The following NRXN3 variants were observed in gnomAD, a reference collection of about 807,000 sequenced individuals.
The protein encoded by NRXN3 is neurexin 3.
In NRXN3, 32 loss-of-function variants were observed where a neutral mutation model predicts 137.6. The ratio of observed to expected loss-of-function variants is 0.23; its 90% CI spans 0.18 to 0.31. NRXN3 has a LOEUF of 0.31. Ranked by LOEUF, NRXN3 falls within the 10% of genes least tolerant of loss-of-function variation. NRXN3 has a pLI of 1.00. For missense variants in NRXN3, 1,574 were observed against 2,062.5 expected, an observed-to-expected ratio of 0.76 and a Z score of 4.59; for synonymous variants, 798 against 784.5, an observed-to-expected ratio of 1.02 and a Z score of -0.29.
intron 15 of NRXN3, among the ~76,000 whole-genome samples, chr14:79,251,232 G>A (rs1044190303): frequency 1.3e-5 from 2 of 152,158 alleles, no homozygotes; most frequent in Non-Finnish European, 2.9e-5. Context: ...GGCCCTATTC[G>A]AGAACAGTGT....
chr14:79,835,728 G>A (rs2141337461), intron 20 of NRXN3, among the ~76,000 whole-genome samples: 1 of 152,290 alleles, frequency 6.6e-6, no homozygotes, highest in Non-Finnish European at 1.5e-5. Context: ...ACTGGAATAT[G>A]GCCATTGCCC....
At chr14:79,257,444 AGTG>A (rs1568818331) in intron 15 of NRXN3, among the ~76,000 whole-genome samples, 3 of 13,976 alleles carry the variant, frequency 2.1e-4, no homozygotes, top group South Asian at 4.6e-3. Flanking sequence ...TGGTGGTGGT[AGTG>A]ATGGTGGTGG....
rs1339130650 is a variant in NRXN3 at position 79,379,596 on chromosome 14, C to T, written c.3263-87625C>T. Among the ~76,000 whole-genome samples, 5 of 152,216 alleles carry T rather than the reference C, an allele frequency of 3.3e-5. No individual in the cohort carries two copies. The East Asian group carries it at 7.7e-4, about 24-fold the overall frequency. Reference sequence around the variant, plus strand: ...TCTGACAGCATTTTCAGAGCTGTGACGGCAGGACTGTAGCTTTATGGTGGG... The same window carrying T: ...TCTGACAGCATTTTCAGAGCTGTGATGGCAGGACTGTAGCTTTATGGTGGG... On this transcript the variant is annotated intron_variant, in intron 15 of 20. Coordinates refer to ENST00000335750, the MANE Select transcript of NRXN3 (RefSeq NM_001330195.2).
intron 14 of NRXN3, among the ~76,000 whole-genome samples, chr14:78,987,779 G>A (rs1014391064): frequency 1.3e-5 from 2 of 152,094 alleles, no homozygotes; most frequent in Admixed American, 6.6e-5. Context: ...GGAGAACAGT[G>A]TGTTCAGCCC....
At chr14:79,698,038 G>A (rs2098741582) in intron 19 of NRXN3, 101 bp downstream of exon 19, 4 of 1,067,978 alleles carry the variant, frequency 3.7e-6, no homozygotes, top group African/African-American at 1.6e-5. Context: ...GAATTACTAT[G>A]TAAGAAGGAT....
intron 16 of NRXN3, among the ~76,000 whole-genome samples, chr14:79,643,027 T>C (rs2098439636): frequency 7.4e-6 from 1 of 135,836 alleles, no homozygotes; most frequent in African/African-American, 2.5e-5. Flanking sequence ...CTAATTTCAC[T>C]AGCCATCATA....
At chr14:79,086,408 G>C (rs749863160) in intron 15 of NRXN3, among the ~76,000 whole-genome samples, 4 of 152,150 alleles carry the variant, frequency 2.6e-5, no homozygotes, top group Admixed American at 1.3e-4. Context: ...AATTTCTTGA[G>C]AGTAGGTTTT....
At chr14:79,798,615 T>C (rs1603526078) in intron 19 of NRXN3, among the ~76,000 whole-genome samples, 1 of 152,338 alleles carries the variant, frequency 6.6e-6, no homozygotes, top group East Asian at 1.9e-4. Flanking sequence ...TTTTATCTCA[T>C]ACTAAATCTC....
At chr14:79,242,166 T>C (rs1172298888) in intron 15 of NRXN3, among the ~76,000 whole-genome samples, 2 of 152,122 alleles carry the variant, frequency 1.3e-5, no homozygotes, top group East Asian at 1.9e-4. Context: ...ATAAAAGTCA[T>C]GTAACGTGTA....
At chr14:79,763,360 A>C (rs1603469619) in intron 19 of NRXN3, among the ~76,000 whole-genome samples, 2 of 75,662 alleles carry the variant, frequency 2.6e-5, no homozygotes, top group Admixed American at 3.3e-4. Flanking sequence ...TAGCAGAATG[A>C]TTTATACATA....
rs182077849 is a variant in NRXN3 at position 78,518,332 on chromosome 14, G to A, written c.758-126788G>A. Among the ~76,000 whole-genome samples the A allele has an allele frequency of 4.7e-4, 71 of 152,228 alleles. 1 individual carries two copies. The highest frequency in any genetic ancestry group is 2.7e-3 in the South Asian group (13 of 4,814). ...ACATGGAGTCTCACCCACCTGGAAG[G>A]ATTGCAGTCTTTATGTTTAGCATCA... On this transcript the variant is annotated intron_variant, in intron 4 of 20. Transcript: ENST00000335750.
chr14:79,128,245 G>C (rs1325438303), intron 15 of NRXN3, among the ~76,000 whole-genome samples: 2 of 110,278 alleles, frequency 1.8e-5, no homozygotes, highest in African/African-American at 7.9e-5. Context: ...GGGCATCCCT[G>C]TCTTGTGCCA....
chr14:78,940,166 C>A (rs564835822), intron 10 of NRXN3, among the ~76,000 whole-genome samples: 8 of 152,144 alleles, frequency 5.3e-5, no homozygotes, highest in Admixed American at 6.6e-5. Flanking sequence ...CGGAAGTACT[C>A]GACATTTGCT....
chr14:78,497,188 T>TTTCCTAG (rs2095798858), intron 4 of NRXN3, among the ~76,000 whole-genome samples: 1 of 152,150 alleles, frequency 6.6e-6, no homozygotes, highest in Non-Finnish European at 1.5e-5. Context: ...TGCAAGGGTA[T>TTTCCTAG]GTGGTGCCTA....
intron 19 of NRXN3, among the ~76,000 whole-genome samples, chr14:79,765,505 C>G (rs970667141): frequency 1.3e-5 from 2 of 152,146 alleles, no homozygotes; most frequent in African/African-American, 4.8e-5. Context: ...GTGGTAATAT[C>G]TCATTTGTGG....
At chr14:79,478,348 A>G (rs1262161551) in intron 16 of NRXN3, among the ~76,000 whole-genome samples, 1 of 151,946 alleles carries the variant, frequency 6.6e-6, no homozygotes, top group Non-Finnish European at 1.5e-5. Context: ...TCCAAACACA[A>G]GTTGTTCCAG....
intron 20 of NRXN3, among the ~76,000 whole-genome samples, chr14:79,832,974 A>G (rs1355918922): frequency 1.3e-5 from 2 of 152,154 alleles, no homozygotes; most frequent in Non-Finnish European, 2.9e-5. Flanking sequence ...CTAAATATAA[A>G]GAGAAACAAT....
chr14:79,117,627 G>GT (rs1241358007), intron 15 of NRXN3, among the ~76,000 whole-genome samples: 1 of 152,200 alleles, frequency 6.6e-6, no homozygotes, highest in Admixed American at 6.5e-5. Flanking sequence ...AGTGTGATCG[G>GT]TAGAAGTCAT....
intron 4 of NRXN3, among the ~76,000 whole-genome samples, chr14:78,307,970 A>T (rs2077540365): frequency 1.3e-5 from 2 of 152,138 alleles, no homozygotes; most frequent in Non-Finnish European, 1.5e-5. Flanking sequence ...CAACCCACAC[A>T]AAACAGAGAC....
Sources: gnomAD v4.1 joint callset for allele counts (sites outside exome capture counted in the v4.1 genomes callset) on GRCh38, gnomAD v4.1.1 for gene constraint, MANE v1.5 for transcripts, NCBI Gene and HGNC (gene_info 2026-07-23, HGNC 2026-07-21) for gene names.